Variants in DUSP29 observed in about 807,000 individuals in gnomAD.
DUSP29 encodes dual specificity phosphatase 29.
A neutral mutation model predicts 13.5 loss-of-function variants in DUSP29; 12 were observed. The observed-to-expected ratio is 0.89, with a 90% CI of 0.57 to 1.44. DUSP29 has a LOEUF of 1.44. DUSP29 is among the 40% of genes most tolerant of loss of function. The pLI, the probability that DUSP29 is intolerant of heterozygous loss-of-function variation, is 0.00. For missense variants in DUSP29, 308 were observed against 301.1 expected (o/e 1.02, Z -0.17); for synonymous variants, 134 against 128.7 (o/e 1.04, Z -0.28).
At chr10:75,065,154 G>C (rs1053988237) in intron 1 of DUSP29, among the ~76,000 whole-genome samples, 12 of 152,092 alleles carry the variant, frequency 7.9e-5, no homozygotes, top group African/African-American at 2.9e-4. Context: ...GGGGCAAAAT[G>C]CTTTTTAAAC....
intron 1 of DUSP29, among the ~76,000 whole-genome samples, chr10:75,068,892 A>G (rs1000083110): frequency 2.0e-5 from 3 of 152,210 alleles, no homozygotes; most frequent in Non-Finnish European, 4.4e-5. Flanking sequence ...GAAAACTTGG[A>G]CGTAAAAACT....
At chr10:75,049,304 C>T (rs1270589159) in intron 2 of DUSP29, among the ~76,000 whole-genome samples, 1 of 152,214 alleles carries the variant, frequency 6.6e-6, no homozygotes, top group Non-Finnish European at 1.5e-5. Flanking sequence ...CTGTCTGCCC[C>T]ACTCTCCCAA....
In DUSP29 at chr10:75,043,790, C is replaced by G; in HGVS notation, c.421+7G>C. The G allele has an allele frequency of 1.9e-6, 3 of 1,610,114 alleles. No individual in the cohort carries two copies. The highest frequency in any genetic ancestry group is 2.5e-6 in the Non-Finnish European group (3 of 1,179,650). ...GGCCGATCGGGGCGGGGCCGCGGGT[C>G]TCTTACTGTGGTCGTCGCTTAGCGC... On this transcript the variant is annotated splice_region_variant and intron_variant, in intron 3 of 3. Coordinates refer to ENST00000338487, the MANE Select transcript of DUSP29 (RefSeq NM_001003892.3).
At chr10:75,063,507 A>G (rs1847133357) in intron 1 of DUSP29, among the ~76,000 whole-genome samples, 2 of 152,140 alleles carry the variant, frequency 1.3e-5, no homozygotes, top group African/African-American at 4.8e-5. Context: ...AATTAGAGGC[A>G]GGAGTTGGTG....
chr10:75,060,452 A>G (rs1847062290), intron 1 of DUSP29, among the ~76,000 whole-genome samples: 1 of 145,440 alleles, frequency 6.9e-6, no homozygotes, highest in African/African-American at 2.6e-5. Flanking sequence ...CTCCTGGGCA[A>G]CACAGTGAGA....
intron 2 of DUSP29, among the ~76,000 whole-genome samples, chr10:75,045,648 C>T (rs1485433519): frequency 6.6e-6 from 1 of 152,100 alleles, no homozygotes; most frequent in Non-Finnish European, 1.5e-5. Flanking sequence ...CTGCTGAGAA[C>T]AGAAAGGAAG....
intron 1 of DUSP29, among the ~76,000 whole-genome samples, chr10:75,066,509 A>G (rs1847204459): frequency 6.6e-6 from 1 of 152,176 alleles, no homozygotes; most frequent in South Asian, 2.1e-4. Context: ...AACACTGGCT[A>G]CATGCTCGTT....
chr10:75,067,150 G>A (rs1490610893), intron 1 of DUSP29, among the ~76,000 whole-genome samples: 1 of 151,806 alleles, frequency 6.6e-6, no homozygotes, highest in African/African-American at 2.4e-5. Context: ...AGTAGAGATG[G>A]GGTTTCATCA....
chr10:75,038,919 G>A (rs1461062337), intron 3 of DUSP29, among the ~76,000 whole-genome samples: 1 of 152,180 alleles, frequency 6.6e-6, no homozygotes, highest in African/African-American at 2.4e-5. Flanking sequence ...GGGAGTTCAA[G>A]CTGGGTGAAT....
intron 1 of DUSP29, among the ~76,000 whole-genome samples, chr10:75,065,223 G>A (rs1847170983): frequency 6.6e-6 from 1 of 152,220 alleles, no homozygotes; most frequent in African/African-American, 2.4e-5. Context: ...TAAGGTGGCA[G>A]ATGGGAGAAG....
At chr10:75,045,602 TG>T (rs1373247499) in intron 2 of DUSP29, among the ~76,000 whole-genome samples, 1 of 152,078 alleles carries the variant, frequency 6.6e-6, no homozygotes, top group Non-Finnish European at 1.5e-5. Context: ...GAGGAAGAGT[TG>T]GAGAGAAAGC....
chr10:75,041,413 G>A (rs984441888), intron 3 of DUSP29, among the ~76,000 whole-genome samples: 3 of 152,152 alleles, frequency 2.0e-5, no homozygotes, highest in Non-Finnish European at 4.4e-5. Flanking sequence ...TGAAAAGTCA[G>A]ATCTCCCACA....
intron 1 of DUSP29, among the ~76,000 whole-genome samples, chr10:75,060,020 T>C (rs1192400861): frequency 6.6e-6 from 1 of 151,022 alleles, no homozygotes. Flanking sequence ...ATTAGCCGGG[T>C]GTAGTGGCGG....
At chr10:75,044,124 G>T in intron 2 of DUSP29, 107 bp from the exon 3 acceptor site, 1 of 1,079,524 alleles carries the variant, frequency 9.3e-7, no homozygotes, top group East Asian at 2.6e-5. Context: ...TCCAGAATGA[G>T]GACTAGTTAT....
chr10:75,046,810 T>G (rs1846717518), intron 2 of DUSP29, among the ~76,000 whole-genome samples: 1 of 152,196 alleles, frequency 6.6e-6, no homozygotes, highest in Non-Finnish European at 1.5e-5. Context: ...CTGCGCCCAA[T>G]TAAAGCCGCC....
At chr10:75,064,279 G>A (rs1847148578) in intron 1 of DUSP29, among the ~76,000 whole-genome samples, 2 of 152,150 alleles carry the variant, frequency 1.3e-5, no homozygotes, top group African/African-American at 4.8e-5. Flanking sequence ...GGAGGCCAAG[G>A]CAGGTGGATC....
chr10:75,060,493 C>G (rs960450644), intron 1 of DUSP29, among the ~76,000 whole-genome samples: 86 of 149,280 alleles, frequency 5.8e-4, no homozygotes, highest in African/African-American at 1.9e-3. Context: ...AAACCCAAAA[C>G]TTATTATGCA....
chr10:75,073,303 G>T (rs903765121), intron 1 of DUSP29, among the ~76,000 whole-genome samples: 5 of 152,120 alleles, frequency 3.3e-5, no homozygotes, highest in Non-Finnish European at 5.9e-5. Context: ...CTTCACAAGG[G>T]CTCGATGAGC....
At chr10:75,049,365 C>G (rs138990138) in intron 2 of DUSP29, among the ~76,000 whole-genome samples, 12 of 152,316 alleles carry the variant, frequency 7.9e-5, no homozygotes, top group African/African-American at 2.6e-4. Flanking sequence ...CCCAGGAGGT[C>G]TGGTTTTGAG....
Sources: gnomAD v4.1 joint callset for allele counts (sites outside exome capture counted in the v4.1 genomes callset) on GRCh38, gnomAD v4.1.1 for gene constraint, MANE v1.5 for transcripts, NCBI Gene and HGNC (gene_info 2026-07-23, HGNC 2026-07-21) for gene names.